The following SNTB1 variants were observed in gnomAD, a reference collection of about 807,000 sequenced individuals.
SNTB1 encodes the protein beta-1-syntrophin.
Under a neutral mutation model 48.9 loss-of-function variants are expected in SNTB1, and 36 were observed. The observed-to-expected ratio is 0.74, with a 90% CI of 0.56 to 0.97. The LOEUF is 0.97. Among genes scored for constraint, SNTB1 ranks in the 50% least tolerant of loss-of-function variants. The probability of loss-of-function intolerance (pLI) is 0.00; values close to 1 mark genes in which losing one functional copy is unlikely to be tolerated. For synonymous variants in SNTB1, 299 were observed against 294.6 expected (o/e 1.01, Z -0.15); for missense variants, 786 against 703.4 (o/e 1.12, Z -1.33).
chr8:120,595,581 C>A (rs779726948), intron 3 of SNTB1, among the ~76,000 whole-genome samples: 8 of 151,774 alleles, frequency 5.3e-5, no homozygotes, highest in Non-Finnish European at 1.2e-4. Context: ...TTTTTTATTC[C>A]TCTAATTTCT....
At chr8:120,549,207 A>C (rs1404986749) in intron 4 of SNTB1, among the ~76,000 whole-genome samples, 1 of 152,196 alleles carries the variant, frequency 6.6e-6, no homozygotes, top group African/African-American at 2.4e-5. Flanking sequence ...AAATTCAACT[A>C]TAAGAAAAAT....
chr8:120,544,481 G>C (rs1815344648), intron 5 of SNTB1, among the ~76,000 whole-genome samples: 1 of 152,136 alleles, frequency 6.6e-6, no homozygotes, highest in Non-Finnish European at 1.5e-5. Flanking sequence ...ATCACACTTT[G>C]GGTCATTTCC....
At chr8:120,679,884 T>C (rs1288494914) in intron 2 of SNTB1, among the ~76,000 whole-genome samples, 1 of 152,058 alleles carries the variant, frequency 6.6e-6, no homozygotes, top group Non-Finnish European at 1.5e-5. Context: ...TTCTTTTGAA[T>C]TTTAATGTTT....
chr8:120,733,138 C>G (rs1053558135), intron 1 of SNTB1, among the ~76,000 whole-genome samples: 5 of 152,156 alleles, frequency 3.3e-5, no homozygotes, highest in African/African-American at 1.2e-4. Flanking sequence ...ATGAGGTAGA[C>G]AAATAGCCTT....
At chr8:120,722,784 T>G (rs1465302305) in intron 1 of SNTB1, among the ~76,000 whole-genome samples, 3 of 152,202 alleles carry the variant, frequency 2.0e-5, no homozygotes, top group Non-Finnish European at 1.5e-5. Flanking sequence ...TTGTTGCCAT[T>G]GCTTTTGGTG....
intron 2 of SNTB1, among the ~76,000 whole-genome samples, chr8:120,672,534 C>A (rs902924831): frequency 3.3e-5 from 5 of 152,160 alleles, no homozygotes; most frequent in African/African-American, 9.7e-5. Context: ...AAAACCTCTG[C>A]AAGATGGCAC....
intron 4 of SNTB1, among the ~76,000 whole-genome samples, chr8:120,572,499 G>T (rs1815873146): frequency 6.6e-6 from 1 of 152,212 alleles, no homozygotes; most frequent in African/African-American, 2.4e-5. Context: ...CCTGGGAAAT[G>T]TCAGCTACTT....
rs1818780506 is a variant in SNTB1, at chr8:120,727,596, A to G, written c.572-33688T>C. On this transcript the variant is annotated intron_variant, in intron 1 of 6. Transcript: ENST00000517992. ...ATTGCTTTCAGAGAAGAGGAAAACT[A>G]CCACCAGGTGTTTTTTCATCATATG... is the stretch of plus-strand genomic sequence containing the variant. Among the ~76,000 whole-genome samples, 8 of 152,346 alleles carry G rather than the reference A, an allele frequency of 5.3e-5. No homozygotes were observed. The South Asian group carries it at 1.7e-3, about 32-fold the overall frequency.
chr8:120,675,840 G>A (rs1817824806), intron 2 of SNTB1, among the ~76,000 whole-genome samples: 1 of 152,178 alleles, frequency 6.6e-6, no homozygotes, highest in African/African-American at 2.4e-5. Context: ...TGAGTCTTTA[G>A]AAGAGATGAG....
At position 120,565,846 on chromosome 8, in the gene SNTB1, G is replaced by A. The variant is rs72680548; in HGVS notation, c.1136+9240C>T. Among the ~76,000 whole-genome samples the A allele has an allele frequency of 4.0e-3, 615 of 152,282 alleles. 1 individual carries two copies. Among genetic ancestry groups the A allele is most frequent in the Non-Finnish European group, 6.9e-3 (467 of 68,024 alleles). ...AGCTCCAATGCAAACGTATTAAGAG[G>A]TAGGACCTTTAAGGAGGTGACTAGG... On this transcript the variant is annotated intron_variant, in intron 4 of 6. Coordinates refer to ENST00000517992, the MANE Select transcript of SNTB1 (RefSeq NM_021021.4).
intron 1 of SNTB1, among the ~76,000 whole-genome samples, chr8:120,790,790 G>A (rs912997483): frequency 4.0e-5 from 6 of 151,534 alleles, no homozygotes; most frequent in Admixed American, 6.6e-5. Flanking sequence ...TGGAAGAATC[G>A]GTATCATGAA....
chr8:120,738,587 T>TCCTA (rs199652564), intron 1 of SNTB1, among the ~76,000 whole-genome samples: 1 of 150,996 alleles, frequency 6.6e-6, no homozygotes, highest in Non-Finnish European at 1.5e-5. Flanking sequence ...CTTCCTTCCT[T>TCCTA]CTTAGTGTAA....
At chr8:120,608,731 A>G (rs578150808) in intron 3 of SNTB1, among the ~76,000 whole-genome samples, 193 of 152,356 alleles carry the variant, frequency 1.3e-3, no homozygotes, top group African/African-American at 4.5e-3. Flanking sequence ...TGTTTAAAAT[A>G]CTAGAAAAAT....
chr8:120,654,946 C>T (rs1461307719), intron 2 of SNTB1: 1 of 455,908 alleles, frequency 2.2e-6, no homozygotes, highest in Non-Finnish European at 4.4e-6. Flanking sequence ...GTCTTGCTGG[C>T]TTGCAGCAAC....
At chr8:120,797,434 T>C (rs1820136870) in intron 1 of SNTB1, among the ~76,000 whole-genome samples, 1 of 151,750 alleles carries the variant, frequency 6.6e-6, no homozygotes, top group South Asian at 2.1e-4. Flanking sequence ...CAATCAGGAG[T>C]TGACATAACA....
chr8:120,803,488 A>G (rs1226987230), intron 1 of SNTB1, among the ~76,000 whole-genome samples: 1 of 152,178 alleles, frequency 6.6e-6, no homozygotes, highest in Non-Finnish European at 1.5e-5. Flanking sequence ...CTTTTAGAAA[A>G]CATTAACAGC....
chr8:120,572,793 T>C (rs1815879981), intron 4 of SNTB1, among the ~76,000 whole-genome samples: 1 of 152,094 alleles, frequency 6.6e-6, no homozygotes, highest in East Asian at 1.9e-4. Flanking sequence ...TGGGCGCCTA[T>C]AATCCCAGCT....
At chr8:120,794,230 T>G (rs1428138769) in intron 1 of SNTB1, among the ~76,000 whole-genome samples, 1 of 152,146 alleles carries the variant, frequency 6.6e-6, no homozygotes, top group South Asian at 2.1e-4. Context: ...CACAATCCAG[T>G]AACTTGGAAT....
rs955485675 is a variant in SNTB1, at chr8:120,694,554, A to T, written c.572-646T>A. 2.6e-5 allele frequency among the ~76,000 whole-genome samples: 4 copies of T among 151,312 alleles called. No individual in the cohort carries two copies. In the East Asian group the frequency reaches 7.7e-4, roughly 29 times the overall value. On this transcript the variant is annotated intron_variant, in intron 1 of 6. Coordinates refer to ENST00000517992, the MANE Select transcript of SNTB1 (RefSeq NM_021021.4). The stretch of plus-strand genomic sequence containing the variant: ...AATGATATATATATCATTAATTCTT[A>T]ATATATATCATTAATTCTTTATATA...
Sources: gnomAD v4.1 joint callset for allele counts (sites outside exome capture counted in the v4.1 genomes callset) on GRCh38, gnomAD v4.1.1 for gene constraint, MANE v1.5 for transcripts, NCBI Gene and HGNC (gene_info 2026-07-23, HGNC 2026-07-21) for gene names.